Variants in TTLL11 observed in about 807,000 individuals in gnomAD.
TTLL11 encodes the protein tubulin polyglutamylase TTLL11.
Under a neutral mutation model 51.7 loss-of-function variants are expected in TTLL11, and 42 were observed. The observed-to-expected ratio is 0.81, with a 90% CI of 0.64 to 1.05. The LOEUF is 1.05. Among genes scored for constraint, TTLL11 ranks in the 50% least tolerant of loss-of-function variants. The probability of loss-of-function intolerance (pLI) is 0.00; values close to 1 mark genes in which losing one functional copy is unlikely to be tolerated. For missense variants in TTLL11, 799 were observed against 940.4 expected (o/e 0.85, Z 1.97); for synonymous variants, 381 against 383.5 (o/e 0.99, Z 0.08).
chr9:121,838,358 C>G (rs535870998), intron 8 of TTLL11, among the ~76,000 whole-genome samples: 1 of 152,190 alleles, frequency 6.6e-6, no homozygotes, highest in African/African-American at 2.4e-5. Flanking sequence ...CCCCCACAGC[C>G]TCCTCGCTGG....
In TTLL11 at chr9:121,974,239, G is replaced by A. The variant is rs189696547; in HGVS notation, c.1366-115C>T. On this transcript the variant is annotated intron_variant, in intron 5 of 8. Coordinates refer to ENST00000321582, the MANE Select transcript of TTLL11 (RefSeq NM_001139442.2). The stretch of plus-strand genomic sequence containing the variant: ...ATTTTGCTTATGCTAATCTATAGAA[G>A]AAAATTTTTAAAGACTTCCTTTATA... The A allele has an allele frequency of 4.2e-4, 247 of 586,444 alleles. 3 individuals are homozygous for A. The East Asian group carries it at 7.4e-3, about 18-fold the overall frequency. The allele number at this position is 586,444 out of a possible 1,614,324, so 36.3% of individuals were successfully genotyped here. A position where few individuals can be genotyped will look rare whatever the true frequency, so the allele number is the denominator to read the frequency against.
intron 6 of TTLL11, among the ~76,000 whole-genome samples, chr9:121,941,959 A>G (rs1325375758): frequency 6.6e-6 from 1 of 152,006 alleles, no homozygotes; most frequent in Admixed American, 6.6e-5. Flanking sequence ...TGCTGCAGAG[A>G]TTGTTCAAGC....
At chr9:122,005,280 G>T (rs983609899) in intron 3 of TTLL11, among the ~76,000 whole-genome samples, 6 of 152,114 alleles carry the variant, frequency 3.9e-5, no homozygotes, top group Non-Finnish European at 5.9e-5. Context: ...CCTAAGATTA[G>T]GTTATTTGTT....
chr9:122,071,734 A>G (rs966515596), intron 1 of TTLL11, among the ~76,000 whole-genome samples: 1 of 152,152 alleles, frequency 6.6e-6, no homozygotes, highest in Admixed American at 6.5e-5. Flanking sequence ...AGTGGAACTA[A>G]TGCTATTCCC....
At chr9:121,896,514 G>A (rs1205458361) in intron 6 of TTLL11, among the ~76,000 whole-genome samples, 2 of 152,010 alleles carry the variant, frequency 1.3e-5, no homozygotes, top group Non-Finnish European at 2.9e-5. Flanking sequence ...CTCATGTCTC[G>A]ACTCCAAGGC....
intron 1 of TTLL11, among the ~76,000 whole-genome samples, chr9:122,056,845 C>T (rs530613338): frequency 9.9e-5 from 15 of 152,112 alleles, no homozygotes; most frequent in East Asian, 1.9e-4. Flanking sequence ...GGAGTATAAA[C>T]GGGAGAAAAA....
Position 121,995,891 on chromosome 9 carries a change from G to A in TTLL11, c.694-6121C>T, listed in dbSNP as rs905032068. Among the ~76,000 whole-genome samples, 3 of 152,292 alleles carry A rather than the reference G, an allele frequency of 2.0e-5. No homozygotes were observed. The highest frequency in any genetic ancestry group is 6.5e-5 in the Admixed American group (1 of 15,294). On this transcript the variant is annotated intron_variant, in intron 3 of 8. Coordinates refer to ENST00000321582, the MANE Select transcript of TTLL11 (RefSeq NM_001139442.2). The surrounding 1 kb of genome is among the most constrained non-coding windows in gnomAD (Gnocchi z 4.4). ...ACCTCGAACTGGAGCACAGGTATCC[G>A]AACAGACCTCTCAAGCTCCGTGGTG... is the stretch of plus-strand genomic sequence containing the variant.
intron 7 of TTLL11, among the ~76,000 whole-genome samples, chr9:121,861,534 G>A (rs1838013295): frequency 6.6e-6 from 1 of 152,196 alleles, no homozygotes; most frequent in South Asian, 2.1e-4. Flanking sequence ...GCACAGCAAT[G>A]TGGGTCCCTG....
rs1409203523 is a variant in TTLL11 at position 121,840,607 on chromosome 9, G to T, written c.1841-17728C>A. On this transcript the variant is annotated intron_variant, in intron 8 of 8. Transcript: ENST00000321582. Reference sequence around the variant, plus strand: ...GATGGGGTTTCACCATGTTGCCCAGGTTGGTCTTGAACTCCTGACCTTAAG... The same window carrying T: ...GATGGGGTTTCACCATGTTGCCCAGTTTGGTCTTGAACTCCTGACCTTAAG... 2.6e-5 allele frequency among the ~76,000 whole-genome samples: 4 copies of T among 152,286 alleles called. No homozygotes were observed. The East Asian group carries it at 7.7e-4, about 29-fold the overall frequency.
At position 121,866,889 on chromosome 9, in the gene TTLL11, CTGAT is replaced by C. The variant is rs148962854; in HGVS notation, c.1733+3604_1733+3607del. 2.2e-3 allele frequency among the ~76,000 whole-genome samples: 338 copies of C among 152,242 alleles called. 3 individuals are homozygous for C. In the East Asian group the frequency reaches 0.031, roughly 14 times the overall value. ...CATGGCTCCCTAATGAGTTTGGCCA[CTGAT>C]TGGGAATGATGGCTGCAGGACCTAA... On this transcript the variant is annotated intron_variant, in intron 7 of 8. Coordinates refer to ENST00000321582, the MANE Select transcript of TTLL11 (RefSeq NM_001139442.2).
chr9:121,990,508 G>A (rs145986495), intron 3 of TTLL11, among the ~76,000 whole-genome samples: 128 of 152,302 alleles, frequency 8.4e-4, no homozygotes, highest in Middle Eastern at 3.4e-3. Flanking sequence ...AATTGGGATT[G>A]GAATCTAGAT....
chr9:121,898,159 C>T (rs1461322600), intron 6 of TTLL11, among the ~76,000 whole-genome samples: 2 of 152,176 alleles, frequency 1.3e-5, no homozygotes, highest in African/African-American at 4.8e-5. Flanking sequence ...CTCAAGTGAC[C>T]TGCCTCAGCC....
intron 8 of TTLL11, among the ~76,000 whole-genome samples, chr9:121,840,252 C>T (rs1000503775): frequency 5.9e-5 from 9 of 152,264 alleles, no homozygotes; most frequent in Admixed American, 3.9e-4. Context: ...GTCCTGAACT[C>T]GGTTAAGATC....
chr9:121,969,920 T>C (rs1842507874), intron 6 of TTLL11, among the ~76,000 whole-genome samples: 1 of 152,260 alleles, frequency 6.6e-6, no homozygotes, highest in South Asian at 2.1e-4. Context: ...CCTTTTCCTC[T>C]GCATGGTAAG....
intron 6 of TTLL11, among the ~76,000 whole-genome samples, chr9:121,887,800 G>A (rs893732733): frequency 6.6e-6 from 1 of 152,174 alleles, no homozygotes; most frequent in Non-Finnish European, 1.5e-5. Context: ...TTTCTCCCAG[G>A]GGAGGAGTGG....
chr9:121,937,206 GA>G (rs1352136237), intron 6 of TTLL11, among the ~76,000 whole-genome samples: 2 of 152,152 alleles, frequency 1.3e-5, no homozygotes, highest in Non-Finnish European at 2.9e-5. Flanking sequence ...GGATTAAGTG[GA>G]AAAACGGACG....
At chr9:121,911,678 A>G (rs1218245879) in intron 6 of TTLL11, among the ~76,000 whole-genome samples, 2 of 152,180 alleles carry the variant, frequency 1.3e-5, no homozygotes, top group African/African-American at 4.8e-5. Flanking sequence ...CAGCAAACTA[A>G]CACAGGAACA....
rs1414059001 is a variant in TTLL11 at position 121,815,729 on chromosome 9, T to C, written c.*6858A>G. 6.6e-6 allele frequency: 1 copy of C among 151,988 alleles called. No homozygotes were observed. The highest frequency in any genetic ancestry group is 1.5e-5 in the Non-Finnish European group (1 of 67,998). 9.4% of individuals were successfully genotyped at this position (151,988 alleles called of 1,614,324 possible). A position where few individuals can be genotyped will look rare whatever the true frequency, so the allele number is the denominator to read the frequency against. On this transcript the variant is annotated 3_prime_UTR_variant, in exon 9 of 9. Transcript: ENST00000321582. The stretch of plus-strand genomic sequence containing the variant: ...CACTCAGCTTCGTTTTATTATTGCG[T>C]TTTATGAAGTTGCCAAGACAACTGA...
At chr9:121,968,589 G>C (rs887258879) in intron 6 of TTLL11, among the ~76,000 whole-genome samples, 1 of 151,982 alleles carries the variant, frequency 6.6e-6, no homozygotes, top group Non-Finnish European at 1.5e-5. Flanking sequence ...ACAGAGTCTC[G>C]CTCTGTTGCC....
Sources: gnomAD v4.1 joint callset for allele counts (sites outside exome capture counted in the v4.1 genomes callset) on GRCh38, gnomAD v4.1.1 for gene constraint, Gnocchi (gnomAD v3.1) non-coding constraint, MANE v1.5 for transcripts, NCBI Gene and HGNC (gene_info 2026-07-23, HGNC 2026-07-21) for gene names.